The following LHPP variants were observed in gnomAD, a reference collection of about 807,000 sequenced individuals.
The protein encoded by LHPP is hLHPP.
Under a neutral mutation model 30.3 loss-of-function variants are expected in LHPP, and 24 were observed. That is an observed-to-expected ratio of 0.79 (90% CI 0.57 to 1.11). The LOEUF is 1.11. Among genes scored for constraint, LHPP ranks in the 50% most tolerant of loss-of-function variants. The probability of loss-of-function intolerance (pLI) is 0.00; values close to 1 mark genes in which losing one functional copy is unlikely to be tolerated. For synonymous variants in LHPP, 150 were observed against 157.1 expected (o/e 0.95, Z 0.34); for missense variants, 356 against 367.2 (o/e 0.97, Z 0.25).
At chr10:124,567,096 G>T (rs1209485633) in intron 6 of LHPP, among the ~76,000 whole-genome samples, 1 of 152,228 alleles carries the variant, frequency 6.6e-6, no homozygotes, top group Non-Finnish European at 1.5e-5. Flanking sequence ...CAGCTGAGGG[G>T]GCTCCCAGAA....
rs149271150 is a variant in LHPP, at chr10:124,473,728, G to C, written c.126-10411G>C. On this transcript the variant is annotated intron_variant, in intron 1 of 6. Coordinates refer to ENST00000368842, the MANE Select transcript of LHPP (RefSeq NM_022126.4). ...AGCACTTTGGGAGGCCGAGGCAAGT[G>C]GATCACCTGAGGTCAGGAGTTCAAG... Among the ~76,000 whole-genome samples the C allele has an allele frequency of 6.6e-3, 1,001 of 152,266 alleles. 9 individuals are homozygous for C. The highest frequency in any genetic ancestry group is 0.022 in the African/African-American group (911 of 41,540).
chr10:124,606,606 C>G (rs897199419), intron 6 of LHPP, among the ~76,000 whole-genome samples: 2 of 152,252 alleles, frequency 1.3e-5, no homozygotes, highest in African/African-American at 4.8e-5. Context: ...CAGAGCCAAG[C>G]CCTATGCTAC....
intron 5 of LHPP, among the ~76,000 whole-genome samples, chr10:124,500,999 A>T (rs1198373624): frequency 2.6e-5 from 4 of 151,992 alleles, no homozygotes; most frequent in Non-Finnish European, 5.9e-5. Flanking sequence ...AAAAGCCAAG[A>T]TACCTGCCCA....
At chr10:124,508,558 G>GT (rs534721438) in intron 5 of LHPP, among the ~76,000 whole-genome samples, 185 of 148,624 alleles carry the variant, frequency 1.2e-3, no homozygotes, top group Non-Finnish European at 2.1e-3. Flanking sequence ...TCATGGCTTA[G>GT]TTTTCCTTCA....
intron 2 of LHPP, among the ~76,000 whole-genome samples, chr10:124,485,568 A>G (rs1160717752): frequency 1.3e-5 from 2 of 151,708 alleles, no homozygotes; most frequent in East Asian, 2.0e-4. Context: ...CAAGCATCCA[A>G]CAAAGTTCAA....
At position 124,527,137 on chromosome 10, in the gene LHPP, T is replaced by G. The variant is rs1485131187; in HGVS notation, c.716+9866T>G. On this transcript the variant is annotated intron_variant, in intron 6 of 6. Transcript: ENST00000368842. Reference sequence around the variant, plus strand: ...ACAGGGCTGGCCTCTGCCTTTCCGCTGCTGCTCTGCGGCTCGGGGACACGG... The same window carrying G: ...ACAGGGCTGGCCTCTGCCTTTCCGCGGCTGCTCTGCGGCTCGGGGACACGG... 2.0e-5 allele frequency among the ~76,000 whole-genome samples: 3 copies of G among 152,232 alleles called. No homozygotes were observed. In the East Asian group the frequency reaches 5.8e-4, roughly 29 times the overall value.
intron 6 of LHPP, among the ~76,000 whole-genome samples, chr10:124,543,526 G>A (rs1207694361): frequency 6.6e-6 from 1 of 152,204 alleles, no homozygotes; most frequent in African/African-American, 2.4e-5. Flanking sequence ...TCTTCTCTGG[G>A]CTCAGGGCCT....
chr10:124,471,411 T>TTA lies in LHPP; in HGVS notation c.125+9430_125+9431dup, dbSNP rs35149517. On this transcript the variant is annotated intron_variant, in intron 1 of 6. Coordinates refer to ENST00000368842, the MANE Select transcript of LHPP (RefSeq NM_022126.4). Reference sequence around the variant, plus strand: ...AATTATATATATATAATATATATATTTATATATTATATATATATTTATATA... The same window carrying TTA: ...AATTATATATATATAATATATATATTTATATATATTATATATATATTTATATA... 5.5e-3 allele frequency among the ~76,000 whole-genome samples: 152 copies of TTA among 27,822 alleles called. 11 individuals are homozygous for TTA. Among genetic ancestry groups the TTA allele is most frequent in the East Asian group, 0.024 (7 of 288 alleles). The allele number at this position is 27,822 out of a possible 152,430, so 18.3% of individuals were successfully genotyped here.
intron 1 of LHPP, among the ~76,000 whole-genome samples, chr10:124,476,315 C>T (rs1952943837): frequency 6.6e-6 from 1 of 152,160 alleles, no homozygotes; most frequent in African/African-American, 2.4e-5. Flanking sequence ...GACCTGTTGC[C>T]CTGGCCGGTC....
At chr10:124,512,183 T>TGGCAC (rs1491469677) in intron 5 of LHPP, among the ~76,000 whole-genome samples, 1 of 152,228 alleles carries the variant, frequency 6.6e-6, no homozygotes, top group Non-Finnish European at 1.5e-5. Context: ...CTGCCTGGCC[T>TGGCAC]GGCACTGGCC....
chr10:124,488,824 T>G (rs556667774), intron 3 of LHPP, among the ~76,000 whole-genome samples: 15 of 152,226 alleles, frequency 9.9e-5, no homozygotes, highest in African/African-American at 3.6e-4. Flanking sequence ...GAGTCTAGAC[T>G]AGAAGAGGGC....
rs1446225587 is a variant in LHPP at position 124,517,537 on chromosome 10, T to C, written c.716+266T>C. Among the ~76,000 whole-genome samples the C allele has an allele frequency of 1.3e-5, 2 of 152,174 alleles. No homozygotes were observed. The highest frequency in any genetic ancestry group is 3.9e-4 in the East Asian group (2 of 5,168). On this transcript the variant is annotated intron_variant, in intron 6 of 6. Transcript: ENST00000368842. This position sits in a 1 kb window ranked among gnomAD's most constrained non-coding sequence, Gnocchi z 4.1. ...CAGAGAGAAATAAGCAAAGGCACTA[T>C]CCATCCTGGCGGCGGCCCACCAGGG...
chr10:124,511,356 T>C (rs1044641267), intron 5 of LHPP, among the ~76,000 whole-genome samples: 3 of 152,182 alleles, frequency 2.0e-5, no homozygotes, highest in African/African-American at 7.2e-5. Flanking sequence ...TGGAGTCAAA[T>C]AGTATGTCAC....
chr10:124,597,368 C>T (rs1123987), intron 6 of LHPP, among the ~76,000 whole-genome samples: 30,401 of 152,228 alleles, frequency 0.2, 3,408 homozygotes, highest in East Asian at 0.27. Flanking sequence ...CTCACCTGGC[C>T]TTCAGCTTCA....
Position 124,592,506 on chromosome 10 carries a change from C to A in LHPP, c.717-20758C>A, listed in dbSNP as rs1948893294. The stretch of plus-strand genomic sequence containing the variant: ...TTGGGAAAAGCCCTGACCCCAGAAT[C>A]CTGAGCCTAAATTGCTGCCAAGTTC... On this transcript the variant is annotated intron_variant, in intron 6 of 6. Coordinates refer to ENST00000368842, the MANE Select transcript of LHPP (RefSeq NM_022126.4). The surrounding 1 kb of genome is among the most constrained non-coding windows in gnomAD (Gnocchi z 6.2). Among the ~76,000 whole-genome samples, 1 of 152,210 alleles carries A rather than the reference C, an allele frequency of 6.6e-6. No homozygotes were observed. The highest frequency in any genetic ancestry group is 1.5e-5 in the Non-Finnish European group (1 of 68,036).
At chr10:124,537,718 A>G (rs1424505445) in intron 6 of LHPP, among the ~76,000 whole-genome samples, 3 of 152,136 alleles carry the variant, frequency 2.0e-5, no homozygotes, top group Non-Finnish European at 1.5e-5. Context: ...TGGCTTCCCC[A>G]TTTCCTGCTC....
intron 6 of LHPP, among the ~76,000 whole-genome samples, chr10:124,543,278 T>C (rs997860254): frequency 2.6e-5 from 4 of 152,244 alleles, no homozygotes; most frequent in African/African-American, 9.6e-5. Context: ...GGACAGGAGT[T>C]TGTGGCCAAC....
chr10:124,582,755 A>C (rs1012323412), intron 6 of LHPP, among the ~76,000 whole-genome samples: 1 of 152,172 alleles, frequency 6.6e-6, no homozygotes, highest in African/African-American at 2.4e-5. Context: ...CTGTAATCCC[A>C]GCACTTTAGG....
At chr10:124,477,282 C>T (rs1952979515) in intron 1 of LHPP, among the ~76,000 whole-genome samples, 1 of 152,166 alleles carries the variant, frequency 6.6e-6, no homozygotes, top group African/African-American at 2.4e-5. Flanking sequence ...TCACTACAAC[C>T]CCCGGGGAAG....
Sources: allele counts gnomAD v4.1 joint callset (sites outside exome capture counted in the v4.1 genomes callset), GRCh38; gene constraint gnomAD v4.1.1; non-coding constraint Gnocchi (gnomAD v3.1); transcripts MANE v1.5; gene names NCBI Gene and HGNC (gene_info 2026-07-23, HGNC 2026-07-21).